Variants in GPHN observed in about 807,000 individuals in gnomAD.
The protein encoded by GPHN is gephyrin.
In GPHN, 17 loss-of-function variants were observed where a neutral mutation model predicts 95.5. The observed-to-expected ratio is 0.18, with a 90% CI of 0.12 to 0.27. The LOEUF is 0.27. GPHN is among the 10% of genes least tolerant of loss of function. The pLI is 1.00. For missense variants in GPHN, 660 were observed against 978.1 expected, an observed-to-expected ratio of 0.67 and a Z score of 4.34; for synonymous variants, 320 against 322.5, an observed-to-expected ratio of 0.99 and a Z score of 0.08.
chr14:66,508,558 C>T lies in GPHN; in HGVS notation c.31C>T (p.His11Tyr). Residue 11 changes from histidine to tyrosine, a missense_variant, in exon 1 of 23, where the codon CAC (histidine) becomes TAC (tyrosine). Physicochemically the swap from His to Tyr is moderately conservative, Grantham distance 83 (BLOSUM62 2). Transcript: ENST00000478722. ...GACCGAGGGAATGATCCTTACTAAC[C>T]ACGACCATCAAATCCGTGTCGGAGT... MATEGMILTN[H>Y]DHQIRVGVLT... 6.2e-7 allele frequency: 1 copy of T among 1,614,078 alleles called. No individual in the cohort carries two copies.
chr14:67,063,492 G>T (rs1431444500), intron 11 of GPHN, among the ~76,000 whole-genome samples: 1 of 152,100 alleles, frequency 6.6e-6, no homozygotes, highest in Non-Finnish European at 1.5e-5. Flanking sequence ...GCTTGATGGG[G>T]TTGGCATTGA....
the GPHN span, among the ~76,000 whole-genome samples, chr14:67,506,476 CT>C: frequency 2.0e-5 from 3 of 152,108 alleles, no homozygotes; most frequent in African/African-American, 7.2e-5. Context: ...AATGTTTGTC[CT>C]TGTACCAAAT....
Position 66,599,391 on chromosome 14 carries a change from C to CTTTTTTTTTTTTT in GPHN, c.65-81716_65-81715insTTTTTTTTTTTTT, listed in dbSNP as rs1566679513. Among the ~76,000 whole-genome samples the CTTTTTTTTTTTTT allele has an allele frequency of 5.4e-5, 4 of 74,044 alleles. No individual in the cohort carries two copies. In the African/African-American group the frequency reaches 6.4e-4, roughly 12 times the overall value. The allele number at this position is 74,044 out of a possible 152,430, so 48.6% of individuals were successfully genotyped here. A position where few individuals can be genotyped will look rare whatever the true frequency, so the allele number is the denominator to read the frequency against. ...TTCTCTGATTTTACATTTTTTTTTG[C>CTTTTTTTTTTTTT]ATTTTTTTTTTTTTTTTGCTAGATG... On this transcript the variant is annotated intron_variant, in intron 1 of 22. Coordinates refer to ENST00000478722, the MANE Select transcript of GPHN (RefSeq NM_020806.5).
the GPHN span, among the ~76,000 whole-genome samples, chr14:67,208,777 A>G: frequency 1.3e-5 from 2 of 151,956 alleles, no homozygotes; most frequent in African/African-American, 4.8e-5. Context: ...GGCACCTGTA[A>G]TCCCAGCTAC....
At chr14:66,767,134 G>A (rs2058988533) in intron 2 of GPHN, among the ~76,000 whole-genome samples, 1 of 151,998 alleles carries the variant, frequency 6.6e-6, no homozygotes, top group Non-Finnish European at 1.5e-5. Context: ...AATATTTCAA[G>A]ATGCCTATTA....
chr14:67,073,911 T>C (rs1031029226), intron 11 of GPHN, among the ~76,000 whole-genome samples: 9 of 152,222 alleles, frequency 5.9e-5, no homozygotes, highest in African/African-American at 2.2e-4. Flanking sequence ...ATGAATGTAC[T>C]GGTTTTCAAC....
the GPHN span, chr14:67,201,700 G>A: frequency 2.8e-6 from 1 of 354,694 alleles, no homozygotes; most frequent in Non-Finnish European, 5.6e-6. Flanking sequence ...CATGATATTG[G>A]ACAAAACCAG....
chr14:67,134,128 G>C (rs546570524), intron 17 of GPHN, among the ~76,000 whole-genome samples: 4 of 152,316 alleles, frequency 2.6e-5, no homozygotes, highest in African/African-American at 9.6e-5. Context: ...ATGTTAGCTA[G>C]TCCAGACTTT....
At chr14:66,929,293 G>A (rs1017308257) in intron 8 of GPHN, among the ~76,000 whole-genome samples, 7 of 151,794 alleles carry the variant, frequency 4.6e-5, no homozygotes, top group African/African-American at 1.2e-4. Flanking sequence ...GACCTCAAGC[G>A]ATCCGCCTCC....
chr14:66,599,187 T>C (rs1338849974), intron 1 of GPHN, among the ~76,000 whole-genome samples: 1 of 152,086 alleles, frequency 6.6e-6, no homozygotes, highest in Non-Finnish European at 1.5e-5. Context: ...TACTACTGTT[T>C]TATTGTTTTT....
At chr14:66,873,818 G>A (rs999787510) in intron 4 of GPHN, among the ~76,000 whole-genome samples, 11 of 152,068 alleles carry the variant, frequency 7.2e-5, no homozygotes, top group Non-Finnish European at 1.2e-4. Context: ...GGGAAGGGGC[G>A]GATGTGGGCG....
At chr14:67,511,354 C>CA in the GPHN span, among the ~76,000 whole-genome samples, 4 of 151,102 alleles carry the variant, frequency 2.6e-5, no homozygotes, top group South Asian at 2.1e-4. Context: ...TTTAAAAAAA[C>CA]AAAAAAACAA....
At chr14:67,109,655 ATTTCTGGC>A (rs1490606401) in intron 13 of GPHN, among the ~76,000 whole-genome samples, 1 of 152,232 alleles carries the variant, frequency 6.6e-6, no homozygotes, top group East Asian at 1.9e-4. Flanking sequence ...TAATTAAAAT[ATTTCTGGC>A]TTGCCTTTAT....
intron 2 of GPHN, among the ~76,000 whole-genome samples, chr14:66,713,664 G>T (rs1484588255): frequency 1.3e-5 from 2 of 151,610 alleles, no homozygotes; most frequent in Non-Finnish European, 1.5e-5. Flanking sequence ...TTCTAATTTG[G>T]TGAAGAATGA....
At chr14:66,810,340 A>T (rs1257362428) in intron 3 of GPHN, among the ~76,000 whole-genome samples, 1 of 145,620 alleles carries the variant, frequency 6.9e-6, no homozygotes, top group African/African-American at 2.7e-5. Context: ...TAGTAAACTA[A>T]ATAATAAAAC....
chr14:66,597,158 C>T (rs1051745959), intron 1 of GPHN, among the ~76,000 whole-genome samples: 1 of 152,092 alleles, frequency 6.6e-6, no homozygotes, highest in African/African-American at 2.4e-5. Context: ...TTTGCATGAC[C>T]ATTTGGAGTT....
At chr14:67,317,580 T>C in the GPHN span, 1 of 708,222 alleles carries the variant, frequency 1.4e-6, no homozygotes. Context: ...GAGAAAATCA[T>C]TTAGTAGAAA....
intron 2 of GPHN, among the ~76,000 whole-genome samples, chr14:66,681,917 C>A (rs1404636335): frequency 1.3e-5 from 2 of 152,134 alleles, no homozygotes; most frequent in Non-Finnish European, 2.9e-5. Flanking sequence ...TGCCAGGTGC[C>A]TTCTATAATG....
rs1341159657 is a variant in GPHN, at chr14:66,742,177, A to C, written c.144-34287A>C. 1.3e-5 allele frequency among the ~76,000 whole-genome samples: 2 copies of C among 152,210 alleles called. 1 individual carries two copies. Among genetic ancestry groups the C allele is most frequent in the Non-Finnish European group, 2.9e-5 (2 of 68,026 alleles). On this transcript the variant is annotated intron_variant, in intron 2 of 22. Transcript: ENST00000478722. ...TTCTTATATCCCCCAGGGTGGTGTC[A>C]CAAGTGTCAAAAACAGTTTTGAGTC...
Sources: gnomAD v4.1 joint callset for allele counts (sites outside exome capture counted in the v4.1 genomes callset) on GRCh38, gnomAD v4.1.1 for gene constraint, MANE v1.5 for transcripts, NCBI Gene and HGNC (gene_info 2026-07-23, HGNC 2026-07-21) for gene names.